The following TMEM272 variants were observed in gnomAD, a reference collection of about 807,000 sequenced individuals.
TMEM272 encodes the protein long intergenic non-protein coding RNA 282.
TMEM272 carries 8 observed loss-of-function variants against 3.7 expected under a neutral mutation model. The ratio of observed to expected loss-of-function variants is 2.17; its 90% CI spans 1.27 to 3.91. TMEM272 has a LOEUF of 3.91. TMEM272 is among the 30% of genes most tolerant of loss of function. The pLI, the probability that TMEM272 is intolerant of heterozygous loss-of-function variation, is 0.00. For missense variants in TMEM272, 166 were observed against 91.5 expected (o/e 1.81, Z -3.32); for synonymous variants, 63 against 39.8 (o/e 1.58, Z -2.20).
the TMEM272 span, among the ~76,000 whole-genome samples, chr13:51,919,146 C>T: frequency 6.6e-6 from 1 of 152,136 alleles, no homozygotes; most frequent in Non-Finnish European, 1.5e-5. Flanking sequence ...GGTGAAACTC[C>T]CCAGCCCACT....
the TMEM272 span, chr13:51,909,582 C>T: frequency 3.0e-4 from 353 of 1,184,152 alleles, 3 homozygotes; most frequent in East Asian, 8.3e-3. Flanking sequence ...TAAGCTCTTC[C>T]TTGGTTTTAT....
chr13:51,835,441 G>C (rs983636127), intron 2 of TMEM272, among the ~76,000 whole-genome samples: 3 of 152,042 alleles, frequency 2.0e-5, no homozygotes, highest in Admixed American at 6.6e-5. Flanking sequence ...TTGCAGGATG[G>C]TCTCGATCTC....
intron 2 of TMEM272, among the ~76,000 whole-genome samples, chr13:51,828,670 T>C (rs971223851): frequency 2.6e-5 from 4 of 152,232 alleles, no homozygotes; most frequent in Non-Finnish European, 5.9e-5. Context: ...AAATTCTAAA[T>C]AAATTTCTCT....
At chr13:51,884,057 A>C in the TMEM272 span, among the ~76,000 whole-genome samples, 1 of 152,236 alleles carries the variant, frequency 6.6e-6, no homozygotes, top group Non-Finnish European at 1.5e-5. Flanking sequence ...AATTACCATC[A>C]ATAAGTGATA....
chr13:51,847,364 G>C (rs1052849852), upstream of TMEM272, among the ~76,000 whole-genome samples: 14 of 152,188 alleles, frequency 9.2e-5, no homozygotes, highest in African/African-American at 3.4e-4. Flanking sequence ...GTGCATGCCA[G>C]AAATCTAGGT....
the TMEM272 span, among the ~76,000 whole-genome samples, chr13:51,866,537 A>T: frequency 6.6e-6 from 1 of 152,190 alleles, no homozygotes; most frequent in South Asian, 2.1e-4. Context: ...GAGGGCTGGC[A>T]GCATTCCAGT....
chr13:51,895,740 GC>G, the TMEM272 span, among the ~76,000 whole-genome samples: 2 of 152,212 alleles, frequency 1.3e-5, no homozygotes, highest in East Asian at 1.9e-4. Flanking sequence ...AGCTGAGCAT[GC>G]AGCTAATGAT....
chr13:51,926,874 TTATC>T, the TMEM272 span, among the ~76,000 whole-genome samples: 3 of 152,158 alleles, frequency 2.0e-5, no homozygotes, highest in Non-Finnish European at 4.4e-5. Context: ...ACATATAATT[TTATC>T]TATCAATTTA....
upstream of TMEM272, chr13:51,845,230 G>T (rs1956295585): frequency 6.6e-6 from 1 of 152,268 alleles, no homozygotes; most frequent in African/African-American, 2.4e-5. Flanking sequence ...CACGTGTGGG[G>T]AGAGCAGCCC....
chr13:51,849,445 C>G (rs77019301), upstream of TMEM272, among the ~76,000 whole-genome samples: 944 of 152,282 alleles, frequency 6.2e-3, 11 homozygotes, highest in African/African-American at 0.022. Context: ...CACTACTGAG[C>G]TGTACATTTT....
intron 2 of TMEM272, among the ~76,000 whole-genome samples, chr13:51,837,277 G>A (rs1458636532): frequency 6.6e-6 from 1 of 152,200 alleles, no homozygotes; most frequent in African/African-American, 2.4e-5. Context: ...AAACAGGTAG[G>A]ATGTGTGTTG....
chr13:51,861,163 T>G, the TMEM272 span, among the ~76,000 whole-genome samples: 1 of 151,842 alleles, frequency 6.6e-6, no homozygotes, highest in East Asian at 1.9e-4. Flanking sequence ...AAGAAAAAAG[T>G]CAAATACACA....
intron 4 of TMEM272, among the ~76,000 whole-genome samples, chr13:51,821,668 C>CAAAAAAAAAAAAAAAA (rs386379191): frequency 3.5e-5 from 1 of 28,522 alleles, no homozygotes; most frequent in African/African-American, 8.9e-5. Flanking sequence ...TTTTTTTCCT[C>CAAAAAAAAAAAAAAAA]AAAAAAAAAA....
At chr13:51,844,415 A>G (rs1956288037) in intron 1 of TMEM272, among the ~76,000 whole-genome samples, 3 of 152,160 alleles carry the variant, frequency 2.0e-5, no homozygotes, top group African/African-American at 7.2e-5. Flanking sequence ...GTATTGTTGA[A>G]TATTTTCAAC....
At chr13:51,826,157 A>AAAAAC (rs55699524) in intron 3 of TMEM272, among the ~76,000 whole-genome samples, 1 of 148,516 alleles carries the variant, frequency 6.7e-6, no homozygotes, top group African/African-American at 2.5e-5. Flanking sequence ...AAAAAAAAAA[A>AAAAAC]TGTATAGAGT....
chr13:51,870,235 T>C, the TMEM272 span, among the ~76,000 whole-genome samples: 27 of 152,072 alleles, frequency 1.8e-4, no homozygotes, highest in Non-Finnish European at 3.4e-4. Flanking sequence ...TATTTTGAAA[T>C]ATATAAAAGT....
upstream of TMEM272, among the ~76,000 whole-genome samples, chr13:51,848,676 T>C (rs1956318067): frequency 6.6e-6 from 1 of 152,138 alleles, no homozygotes; most frequent in African/African-American, 2.4e-5. Context: ...TTAATGAGGG[T>C]AGGCCTGACT....
the TMEM272 span, among the ~76,000 whole-genome samples, chr13:51,911,563 C>T: frequency 6.6e-6 from 1 of 152,256 alleles, no homozygotes; most frequent in East Asian, 1.9e-4. Flanking sequence ...GGAAAGCTTG[C>T]TCCTTCAGGA....
At chr13:51,830,869 C>G (rs1956167474) in intron 2 of TMEM272, among the ~76,000 whole-genome samples, 2 of 152,180 alleles carry the variant, frequency 1.3e-5, no homozygotes, top group African/African-American at 4.8e-5. Flanking sequence ...GATCACCACT[C>G]TAGGTCTAAA....
Sources: allele counts gnomAD v4.1 joint callset (sites outside exome capture counted in the v4.1 genomes callset), GRCh38; gene constraint gnomAD v4.1.1; transcripts MANE v1.5; gene names NCBI Gene and HGNC (gene_info 2026-07-23, HGNC 2026-07-21).